PPM1F: variants seen among roughly 807,000 people sequenced by gnomAD.
PPM1F encodes protein phosphatase 1F.
Under a neutral mutation model 35.5 loss-of-function variants are expected in PPM1F, and 17 were observed. The ratio of observed to expected loss-of-function variants is 0.48; its 90% CI spans 0.33 to 0.72. The LOEUF is 0.72. Among genes scored for constraint, PPM1F ranks in the 30% least tolerant of loss-of-function variants. The pLI, the probability that PPM1F is intolerant of heterozygous loss-of-function variation, is 0.02. For synonymous variants in PPM1F, 241 were observed against 255.5 expected (o/e 0.94, Z 0.54); for missense variants, 521 against 613.0 (o/e 0.85, Z 1.59).
chr22:21,925,406 G>T (rs2070500034), intron 7 of PPM1F, 163 bp downstream of exon 7: 2 of 617,870 alleles, frequency 3.2e-6, no homozygotes, highest in Non-Finnish European at 6.0e-6. Context: ...CTCTGAATCT[G>T]CCCTGTTCCC....
intron 1 of PPM1F, chr22:21,950,614 CTGTT>C (rs894608438): frequency 3.3e-4 from 50 of 152,038 alleles, no homozygotes; most frequent in African/African-American, 1.2e-3. Flanking sequence ...TTCATGTTAA[CTGTT>C]TTTTTTTGTT....
chr22:21,927,942 G>GTTTTTTTTTTTTTTTTTTTTTTTT lies in PPM1F; in HGVS notation c.892-2304_892-2281dup, dbSNP rs60216371. Among the ~76,000 whole-genome samples, 4 of 75,146 alleles carry GTTTTTTTTTTTTTTTTTTTTTTTT rather than the reference G, an allele frequency of 5.3e-5. 1 individual carries two copies. Among genetic ancestry groups the GTTTTTTTTTTTTTTTTTTTTTTTT allele is most frequent in the Non-Finnish European group, 7.0e-5 (3 of 42,620 alleles). 49.3% of individuals were successfully genotyped at this position (75,146 alleles called of 152,430 possible). A position where few individuals can be genotyped will look rare whatever the true frequency, so the allele number is the denominator to read the frequency against. On this transcript the variant is annotated intron_variant, in intron 6 of 7. Coordinates refer to ENST00000263212, the MANE Select transcript of PPM1F (RefSeq NM_014634.4). ...GATTCTTGATTCTGTTTTTTGTTTTGTTTTTTTTTTTTTTTTTTTTTTTTT... is the reference window on the plus strand; with the variant it reads ...GATTCTTGATTCTGTTTTTTGTTTTGTTTTTTTTTTTTTTTTTTTTTTTTTTTTTTTTTTTTTTTTTTTTTTTTT...
At chr22:21,952,220 G>A (rs1028954716) in intron 1 of PPM1F, 4 of 152,292 alleles carry the variant, frequency 2.6e-5, no homozygotes, top group Admixed American at 6.5e-5. Flanking sequence ...CCGCGCCTGA[G>A]GCTCTGGCTC....
At chr22:21,923,688 CTTTTT>C in intron 7 of PPM1F, among the ~76,000 whole-genome samples, 1 of 151,666 alleles carries the variant, frequency 6.6e-6, no homozygotes, top group Non-Finnish European at 1.5e-5. Flanking sequence ...CCCTTTTTTT[CTTTTT>C]TCTTTTTTGA....
chr22:21,945,914 T>A lies in PPM1F; in HGVS notation c.135A>T (p.Pro45=), dbSNP rs975099703. The stretch of plus-strand genomic sequence containing the variant: ...CCTCCTCCTGGCTGAGCACCGTCCC[T>A]GGGGCCTTCCATGGCAGAGGGTCCT... ...NPEDPLPWKA[P]GTVLSQEEVE... Residue 45 remains proline (P), a synonymous_variant, in exon 2 of 8, where the codon CCA becomes CCT. Transcript: ENST00000263212. The A allele has an allele frequency of 1.2e-6, 2 of 1,613,002 alleles. No homozygotes were observed. Among genetic ancestry groups the A allele is most frequent in the Non-Finnish European group, 1.7e-6 (2 of 1,179,662 alleles).
chr22:21,923,751 C>T (rs2070476934), intron 7 of PPM1F, among the ~76,000 whole-genome samples: 1 of 152,054 alleles, frequency 6.6e-6, no homozygotes, highest in African/African-American at 2.4e-5. Flanking sequence ...GATCTCAGCT[C>T]ACTGCAACCT....
In PPM1F at chr22:21,923,488, G is replaced by A. The variant is rs774410069; in HGVS notation, c.986-17C>T. On this transcript the variant is annotated splice_polypyrimidine_tract_variant and intron_variant, in intron 7 of 7. Coordinates refer to ENST00000263212, the MANE Select transcript of PPM1F (RefSeq NM_014634.4). ...AGACATCCCCTGGACAGGCGGAGAA[G>A]AGCCCGGGTCAGAGGACCACGGTGT... The A allele has an allele frequency of 3.2e-5, 50 of 1,585,554 alleles. No homozygotes were observed. In the African/African-American group the frequency reaches 4.6e-4, roughly 14 times the overall value.
rs1390443465 is a variant in PPM1F, at chr22:21,934,179, C to T, written c.403G>A (p.Glu135Lys). The T allele has an allele frequency of 6.3e-7, 1 of 1,579,348 alleles. No individual in the cohort carries two copies. ...TGCTTCTGCCACTGGCCGGCGACTT[C>T]CCAAAGGCGGTTAAAGAAACTCTGT... ...LAQSFFNRLW[E>K]VAGQWQKQVP... is the part of the protein sequence containing the mutation. Residue 135 changes from glutamate (E) to lysine (K), a missense_variant, in exon 4 of 8, where the codon GAA (glutamate) becomes AAA (lysine). This residue lies in a region of PPM1F where 311 missense variants were observed against 351.5 expected (regional missense o/e 0.88). Coordinates refer to ENST00000263212, the MANE Select transcript of PPM1F (RefSeq NM_014634.4).
At position 21,923,198 on chromosome 22, in the gene PPM1F, A is replaced by C. The variant is rs2070507; in HGVS notation, c.1259T>G (p.Leu420Arg). ...VVFLRDPQELLEGGNQGEGDP... is the reference protein window; with the variant it reads ...VVFLRDPQELREGGNQGEGDP... ...CCCTTCTCCCTGGTTCCCGCCCTCC[A>C]GCAGCTCTTGGGGGTCCCTGAGGAA... is the stretch of plus-strand genomic sequence containing the variant. The change falls in exon 8 of 8, where the codon CTG (leucine) becomes CGG (arginine). Residue 420 changes from leucine (L) to arginine (R), a missense_variant. This residue lies in a region of PPM1F where 163 missense variants were observed against 169.6 expected (regional missense o/e 0.96). Transcript: ENST00000263212. 0.054 allele frequency: 87,083 copies of C among 1,613,368 alleles called. 4,277 individuals carry two copies. The highest frequency in any genetic ancestry group is 0.25 in the East Asian group (11,000 of 44,834).
At chr22:21,930,785 C>T (rs1404998908) in intron 6 of PPM1F, among the ~76,000 whole-genome samples, 2 of 152,186 alleles carry the variant, frequency 1.3e-5, no homozygotes, top group Admixed American at 6.5e-5. Context: ...CAGGTTCCCT[C>T]CAGCCTCGGG....
intron 6 of PPM1F, 131 bp downstream of exon 6, chr22:21,931,017 G>GGGA (rs1167885781): frequency 6.2e-6 from 9 of 1,440,956 alleles, no homozygotes; most frequent in African/African-American, 1.4e-5. Context: ...AAATCAGGCA[G>GGGA]GGAGCCCTCC....
intron 6 of PPM1F, among the ~76,000 whole-genome samples, chr22:21,930,929 C>T (rs1232303492): frequency 1.3e-5 from 2 of 152,210 alleles, no homozygotes; most frequent in African/African-American, 2.4e-5. Context: ...GCTCTGCTCT[C>T]CCCCGGAGCT....
At chr22:21,933,737 C>G (rs548211608) in intron 4 of PPM1F, among the ~76,000 whole-genome samples, 158 bp from the exon 5 acceptor site, 2 of 152,236 alleles carry the variant, frequency 1.3e-5, no homozygotes, top group South Asian at 4.2e-4. Flanking sequence ...AAGGACAGCT[C>G]GCGGGAGCCT....
Position 21,938,586 on chromosome 22 carries a change from AGGAAAGGAAATGGCAAAGGAAG to A in PPM1F, c.355+924_355+945del, listed in dbSNP as rs1430926578. The A allele has an allele frequency of 4.8e-5, 49 of 1,027,186 alleles. No homozygotes were observed. The South Asian group carries it at 7.0e-4, about 15-fold the overall frequency. 63.6% of individuals were successfully genotyped at this position (1,027,186 alleles called of 1,614,324 possible). ...ATGCCGAATTTAGAACAACAGGGAA[AGGAAAGGAAATGGCAAAGGAAG>A]GGAAAGGAAATGGCCGACAGGAAAT... On this transcript the variant is annotated intron_variant, in intron 3 of 7. Transcript: ENST00000263212.
chr22:21,934,305 C>T, intron 3 of PPM1F, 79 bp from the exon 4 acceptor site: 2 of 1,267,802 alleles, frequency 1.6e-6, no homozygotes, highest in Non-Finnish European at 2.2e-6. Flanking sequence ...TGACAGCTCC[C>T]ACAGGGGCCT....
intron 7 of PPM1F, among the ~76,000 whole-genome samples, chr22:21,924,419 C>A (rs986831191): frequency 2.6e-5 from 4 of 152,118 alleles, no homozygotes; most frequent in African/African-American, 9.7e-5. Context: ...AGGCAGGCAC[C>A]ACCACGCCCG....
chr22:21,925,928 T>C (rs2070508859), intron 6 of PPM1F: 1 of 398,414 alleles, frequency 2.5e-6, no homozygotes, highest in African/African-American at 2.0e-5. Context: ...CCTGCGCCCC[T>C]GGGCAGCATT....
chr22:21,921,241 C>T lies in PPM1F; in HGVS notation c.*1851G>A, dbSNP rs1434214875. On this transcript the variant is annotated 3_prime_UTR_variant, in exon 8 of 8. Transcript: ENST00000263212. ...AGAGGAGGCCAAGGTGCTTGGGGCA[C>T]AGCTGTGCAAACCTTCCTGGGGCTC... is the stretch of plus-strand genomic sequence containing the variant. The T allele has an allele frequency of 6.6e-6, 1 of 152,304 alleles. No individual in the cohort carries two copies. Among genetic ancestry groups the T allele is most frequent in the African/African-American group, 2.4e-5 (1 of 41,382 alleles). 9.4% of individuals were successfully genotyped at this position (152,304 alleles called of 1,614,324 possible).
Position 21,934,147 on chromosome 22 carries a change from T to G in PPM1F, c.435A>C (p.Pro145=). Residue 145 remains proline, a synonymous_variant, in exon 4 of 8, where the codon CCA becomes CCC. Coordinates refer to ENST00000263212, the MANE Select transcript of PPM1F (RefSeq NM_014634.4). ...GCCGCTGTGAGGCCCGGGCAGCCAA[T>G]GGCACCTGCTTCTGCCACTGGCCGG... The part of the protein sequence containing the change: ...EVAGQWQKQV[P]LAARASQRQW... 6.3e-7 allele frequency: 1 copy of G among 1,576,598 alleles called. No homozygotes were observed. The highest frequency in any genetic ancestry group is 8.6e-7 in the Non-Finnish European group (1 of 1,161,204).
Sources: gnomAD v4.1 joint callset for allele counts (sites outside exome capture counted in the v4.1 genomes callset) on GRCh38, gnomAD v4.1.1 for gene constraint, gnomAD v4.1.1 regional missense constraint, MANE v1.5 for transcripts, NCBI Gene and HGNC (gene_info 2026-07-23, HGNC 2026-07-21) for gene names.